CDH13: variants seen among roughly 807,000 people sequenced by gnomAD.
CDH13 encodes cadherin 13, also known as cadherin-13.
A neutral mutation model predicts 63.8 loss-of-function variants in CDH13; 24 were observed. That is an observed-to-expected ratio of 0.38 (90% CI 0.27 to 0.53). CDH13 has a LOEUF of 0.53. Ranked by LOEUF, CDH13 falls within the 20% of genes least tolerant of loss-of-function variation. The pLI is 0.85. For missense variants in CDH13, 1,049 were observed against 903.1 expected (o/e 1.16, Z -2.07); for synonymous variants, 503 against 355.3 (o/e 1.42, Z -4.67).
At chr16:82,703,573 G>C (rs977107701) in intron 1 of CDH13, among the ~76,000 whole-genome samples, 5 of 152,100 alleles carry the variant, frequency 3.3e-5, no homozygotes, top group African/African-American at 4.8e-5. Context: ...TGCTTTACTG[G>C]CTTTCTTTTC....
intron 11 of CDH13, among the ~76,000 whole-genome samples, chr16:83,768,613 G>A (rs1030015797): frequency 6.6e-6 from 1 of 152,180 alleles, no homozygotes; most frequent in African/African-American, 2.4e-5. Flanking sequence ...CTACGACATC[G>A]AGCAGCCCCA....
At chr16:82,965,810 T>C (rs577104117) in intron 2 of CDH13, among the ~76,000 whole-genome samples, 2 of 152,282 alleles carry the variant, frequency 1.3e-5, no homozygotes, top group Non-Finnish European at 2.9e-5. Flanking sequence ...TTTATTTTAT[T>C]TTAAAAACCT....
At chr16:82,909,161 T>C (rs1196878312) in intron 2 of CDH13, among the ~76,000 whole-genome samples, 1 of 152,162 alleles carries the variant, frequency 6.6e-6, no homozygotes, top group East Asian at 1.9e-4. Context: ...ATAGTTGCAT[T>C]GTTATTTTTA....
intron 6 of CDH13, among the ~76,000 whole-genome samples, chr16:83,446,855 T>C (rs1264745006): frequency 6.6e-6 from 1 of 152,012 alleles, no homozygotes; most frequent in Non-Finnish European, 1.5e-5. Context: ...TTGGGGGGCT[T>C]TTAAAAGTTA....
chr16:83,053,922 G>A (rs1208931194), intron 3 of CDH13, among the ~76,000 whole-genome samples: 1 of 152,150 alleles, frequency 6.6e-6, no homozygotes, highest in South Asian at 2.1e-4. Flanking sequence ...ACATAACAAC[G>A]TTTTGGTCAA....
At chr16:82,634,903 C>T (rs1344326381) in intron 1 of CDH13, among the ~76,000 whole-genome samples, 1 of 152,204 alleles carries the variant, frequency 6.6e-6, no homozygotes, top group African/African-American at 2.4e-5. Flanking sequence ...GGAGGATCTA[C>T]TATGTTCCAA....
chr16:83,597,384 C>A (rs1429656505), intron 7 of CDH13, among the ~76,000 whole-genome samples: 1 of 152,140 alleles, frequency 6.6e-6, no homozygotes, highest in Admixed American at 6.5e-5. Flanking sequence ...TATGGTAAAA[C>A]AAATTGTGTC....
chr16:83,136,264 A>G (rs564253582), intron 4 of CDH13, among the ~76,000 whole-genome samples: 1 of 151,904 alleles, frequency 6.6e-6, no homozygotes, highest in South Asian at 2.1e-4. Context: ...CAGGCGGATC[A>G]TGAGGTCAGG....
At chr16:83,416,346 T>C (rs766010643) in intron 6 of CDH13, among the ~76,000 whole-genome samples, 10 of 152,208 alleles carry the variant, frequency 6.6e-5, no homozygotes, top group Non-Finnish European at 8.8e-5. Context: ...TTTAATGCAA[T>C]CAGAATTTCA....
intron 1 of CDH13, among the ~76,000 whole-genome samples, chr16:82,685,947 G>A (rs772900100): frequency 5.9e-5 from 9 of 152,184 alleles, no homozygotes; most frequent in Non-Finnish European, 1.0e-4. Flanking sequence ...TCCTCTAGTG[G>A]TTAAATCATG....
At chr16:83,075,291 C>T (rs1015289375) in intron 3 of CDH13, among the ~76,000 whole-genome samples, 2 of 152,190 alleles carry the variant, frequency 1.3e-5, no homozygotes, top group Admixed American at 6.5e-5. Flanking sequence ...TCTCAGGGGA[C>T]CACAAAGAGA....
chr16:82,729,939 C>T (rs982752521), intron 1 of CDH13, among the ~76,000 whole-genome samples: 3 of 152,182 alleles, frequency 2.0e-5, no homozygotes, highest in African/African-American at 4.8e-5. Context: ...TTTCTTTAAA[C>T]CTCATGAACC....
intron 2 of CDH13, among the ~76,000 whole-genome samples, chr16:83,001,716 G>A (rs1344070856): frequency 6.6e-6 from 1 of 152,184 alleles, no homozygotes; most frequent in African/African-American, 2.4e-5. Context: ...ACGGATGATT[G>A]GCTGTGACCC....
intron 1 of CDH13, chr16:82,826,476 T>C (rs1025610112): frequency 8.5e-5 from 13 of 152,182 alleles, no homozygotes; most frequent in Admixed American, 5.2e-4. Context: ...TAATTTTAAA[T>C]CGTGCAGTTC....
At chr16:83,583,346 C>T (rs1262378067) in intron 7 of CDH13, among the ~76,000 whole-genome samples, 2 of 144,436 alleles carry the variant, frequency 1.4e-5, no homozygotes, top group African/African-American at 2.6e-5. Context: ...GGGCGACCAC[C>T]ATTCAACACA....
intron 10 of CDH13, among the ~76,000 whole-genome samples, chr16:83,688,579 C>T (rs1904538582): frequency 6.6e-6 from 1 of 152,162 alleles, no homozygotes; most frequent in South Asian, 2.1e-4. Flanking sequence ...TTACTGACCT[C>T]AATAACAGGA....
intron 6 of CDH13, among the ~76,000 whole-genome samples, chr16:83,400,860 C>T (rs565604047): frequency 2.0e-5 from 3 of 152,226 alleles, no homozygotes; most frequent in South Asian, 2.1e-4. Flanking sequence ...CTTTAAAATT[C>T]GGTCCTGTAA....
At chr16:83,031,962 G>T (rs550927856) in intron 2 of CDH13, 48 bp from the exon 3 acceptor site, 1 of 1,434,554 alleles carries the variant, frequency 7.0e-7, no homozygotes, top group Non-Finnish European at 9.6e-7. Flanking sequence ...TCAGAGATAA[G>T]CTGCCCAACC....
intron 7 of CDH13, among the ~76,000 whole-genome samples, chr16:83,596,822 T>G (rs1389570994): frequency 6.6e-6 from 1 of 152,230 alleles, no homozygotes; most frequent in African/African-American, 2.4e-5. Context: ...TTATCGGTTT[T>G]GGGGATTTTG....
Sources: allele counts gnomAD v4.1 joint callset (sites outside exome capture counted in the v4.1 genomes callset), GRCh38; gene constraint gnomAD v4.1.1; transcripts MANE v1.5; gene names NCBI Gene and HGNC (gene_info 2026-07-23, HGNC 2026-07-21).